WDR93: variants seen among roughly 807,000 people sequenced by gnomAD.
WDR93 encodes WD repeat domain 93.
Under a neutral mutation model 82.9 loss-of-function variants are expected in WDR93, and 73 were observed. That is an observed-to-expected ratio of 0.88 (90% CI 0.73 to 1.07). WDR93 has a LOEUF of 1.07. WDR93 is among the 50% of genes least tolerant of loss of function. The pLI, the probability that WDR93 is intolerant of heterozygous loss-of-function variation, is 0.00. For synonymous variants in WDR93, 283 were observed against 300.1 expected (o/e 0.94, Z 0.59); for missense variants, 738 against 826.0 (o/e 0.89, Z 1.31).
intron 5 of WDR93, among the ~76,000 whole-genome samples, chr15:89,712,439 G>C (rs1162613599): frequency 9.0e-6 from 1 of 111,326 alleles, no homozygotes; most frequent in Non-Finnish European, 1.7e-5. Flanking sequence ...TTCAATCTGG[G>C]ATACCATATT....
chr15:89,701,667 T>A (rs564125305), intron 1 of WDR93, 40 bp from the exon 2 acceptor site: 5 of 1,505,054 alleles, frequency 3.3e-6, no homozygotes, highest in Non-Finnish European at 4.5e-6. Flanking sequence ...TCTCATTGCT[T>A]CCTTTCTTCC....
intron 1 of WDR93, among the ~76,000 whole-genome samples, chr15:89,700,674 CA>C (rs1041453496): frequency 6.6e-6 from 1 of 150,482 alleles, no homozygotes; most frequent in African/African-American, 2.4e-5. Flanking sequence ...GAAATTCTCC[CA>C]CCCCACCCTC....
chr15:89,732,615 C>CCACACACACA (rs58806438), intron 12 of WDR93, among the ~76,000 whole-genome samples: 69 of 148,560 alleles, frequency 4.6e-4, no homozygotes, highest in African/African-American at 1.1e-3. Flanking sequence ...TGTTGTTTGG[C>CCACACACACA]CACACACACA....
intron 13 of WDR93, 82 bp downstream of exon 13, chr15:89,733,301 C>G (rs750929659): frequency 3.8e-6 from 5 of 1,321,878 alleles, no homozygotes; most frequent in Non-Finnish European, 5.2e-6. Flanking sequence ...CTGACAGCCT[C>G]TCTGACTACA....
At chr15:89,729,166 A>G in intron 10 of WDR93, 73 bp downstream of exon 10, 1 of 1,406,190 alleles carries the variant, frequency 7.1e-7, no homozygotes, top group Non-Finnish European at 1.0e-6. Flanking sequence ...AAGCCCCCAC[A>G]GAGATGTTCC....
chr15:89,695,813 C>CTTTT (rs58664153), intron 1 of WDR93, among the ~76,000 whole-genome samples: 1,783 of 99,248 alleles, frequency 0.018, 85 homozygotes, highest in African/African-American at 0.021. Context: ...TCATGCTGTC[C>CTTTT]TTTTTTTTTT....
At chr15:89,718,766 TTTTGTTTG>T (rs1217425958) in intron 7 of WDR93, among the ~76,000 whole-genome samples, 1 of 147,736 alleles carries the variant, frequency 6.8e-6, no homozygotes, top group African/African-American at 2.7e-5. Flanking sequence ...TGACATGTTT[TTTTGTTTG>T]TTTGTTTGTT....
At chr15:89,709,722 G>C (rs1335020890) in intron 4 of WDR93, among the ~76,000 whole-genome samples, 2 of 152,056 alleles carry the variant, frequency 1.3e-5, no homozygotes, top group African/African-American at 4.8e-5. Context: ...AAAGTGCTGA[G>C]ATTACAGGTG....
intron 1 of WDR93, among the ~76,000 whole-genome samples, chr15:89,696,466 T>G (rs1965180540): frequency 6.9e-6 from 1 of 145,040 alleles, no homozygotes; most frequent in African/African-American, 2.6e-5. Flanking sequence ...GGTTTTTGTG[T>G]GAACTTACAT....
At chr15:89,690,389 T>TG (rs1253852879), upstream of WDR93, among the ~76,000 whole-genome samples, 1 of 152,130 alleles carries the variant, frequency 6.6e-6, no homozygotes, top group African/African-American at 2.4e-5. Flanking sequence ...GCGGGTGCGT[T>TG]GGGCCCACTC....
At chr15:89,714,545 C>G (rs1197452270) in intron 5 of WDR93, among the ~76,000 whole-genome samples, 1 of 152,084 alleles carries the variant, frequency 6.6e-6, no homozygotes, top group Non-Finnish European at 1.5e-5. Context: ...AGGCTGAGAA[C>G]TCCTGACTGC....
chr15:89,705,424 A>G, intron 3 of WDR93, 130 bp from the exon 4 acceptor site: 1 of 692,098 alleles, frequency 1.4e-6, no homozygotes. Flanking sequence ...TAGGCAGTGG[A>G]GGGGCTGGGA....
intron 4 of WDR93, among the ~76,000 whole-genome samples, chr15:89,706,470 G>A (rs1235436638): frequency 2.0e-5 from 3 of 151,852 alleles, no homozygotes; most frequent in African/African-American, 7.3e-5. Flanking sequence ...ATTATAATTT[G>A]TCTTCTAAGA....
intron 7 of WDR93, among the ~76,000 whole-genome samples, chr15:89,718,479 T>A (rs1191562066): frequency 1.3e-5 from 2 of 148,796 alleles, no homozygotes; most frequent in African/African-American, 2.5e-5. Flanking sequence ...AAAAAAAAAA[T>A]TAGCCAGGTG....
At position 89,731,526 on chromosome 15, in the gene WDR93, G is replaced by A. The variant is rs200691500; in HGVS notation, c.1294G>A (p.Glu432Lys). The A allele has an allele frequency of 1.4e-4, 227 of 1,614,152 alleles. No homozygotes were observed. The East Asian group carries it at 4.3e-3, about 30-fold the overall frequency. ...CSSSYLVLAC[E>K]DGVLTLWDLA... ...CTCCTCCTACCTGGTGCTGGCCTGCGAGGATGGTGTGCTCACGCTGTGGGA... is the reference window on the plus strand; with the variant it reads ...CTCCTCCTACCTGGTGCTGGCCTGCAAGGATGGTGTGCTCACGCTGTGGGA... Residue 432 changes from glutamate to lysine, a missense_variant, in exon 12 of 17, where the codon GAG becomes AAG. Glu to Lys is a moderately conservative substitution (Grantham distance 56). Coordinates refer to ENST00000268130, the MANE Select transcript of WDR93 (RefSeq NM_020212.2).
intron 11 of WDR93, among the ~76,000 whole-genome samples, chr15:89,730,718 G>C (rs957641237): frequency 2.6e-5 from 4 of 151,862 alleles, no homozygotes; most frequent in Middle Eastern, 3.2e-3. Flanking sequence ...CAACATAGGA[G>C]ACCCTGTTTC....
chr15:89,723,407 A>C (rs1966606494), intron 8 of WDR93, among the ~76,000 whole-genome samples: 1 of 151,966 alleles, frequency 6.6e-6, no homozygotes, highest in African/African-American at 2.4e-5. Context: ...ACACCACTAC[A>C]CTCCAGCCTG....
intron 1 of WDR93, among the ~76,000 whole-genome samples, chr15:89,693,879 T>C (rs1016894874): frequency 2.0e-5 from 3 of 152,248 alleles, no homozygotes; most frequent in African/African-American, 7.2e-5. Flanking sequence ...TTAGAGGTTT[T>C]TCTGGAACTG....
At chr15:89,693,651 C>T (rs1020444432) in intron 1 of WDR93, among the ~76,000 whole-genome samples, 4 of 152,172 alleles carry the variant, frequency 2.6e-5, no homozygotes, top group African/African-American at 9.7e-5. Context: ...AAACAGAAGC[C>T]ATGTCTCAGG....
Sources: gnomAD v4.1 joint callset for allele counts (sites outside exome capture counted in the v4.1 genomes callset) on GRCh38, gnomAD v4.1.1 for gene constraint, MANE v1.5 for transcripts, NCBI Gene and HGNC (gene_info 2026-07-23, HGNC 2026-07-21) for gene names.